The following NPAS3 variants were observed in gnomAD, a reference collection of about 807,000 sequenced individuals.
NPAS3 encodes neuronal PAS domain protein 3.
Under a neutral mutation model 73.1 loss-of-function variants are expected in NPAS3, and 14 were observed. The ratio of observed to expected loss-of-function variants is 0.19; its 90% confidence interval spans 0.13 to 0.30. The LOEUF (loss-of-function observed/expected upper bound fraction) is 0.30, where lower values mean the gene tolerates loss of function less well. NPAS3 is among the 10% of genes least tolerant of loss of function. NPAS3 has a pLI of 1.00. For missense variants in NPAS3, 1,096 were observed against 1,250.0 expected (o/e 0.88, Z 1.86); for synonymous variants, 620 against 541.5 (o/e 1.14, Z -2.01).
intron 5 of NPAS3, among the ~76,000 whole-genome samples, chr14:33,634,077 G>T (rs2058450887): frequency 6.6e-6 from 1 of 152,190 alleles, no homozygotes; most frequent in Non-Finnish European, 1.5e-5. Flanking sequence ...AGAACTTTAA[G>T]GGGATGTAAC....
intron 3 of NPAS3, among the ~76,000 whole-genome samples, chr14:33,280,516 G>T (rs1270397284): frequency 6.6e-6 from 1 of 152,142 alleles, no homozygotes; most frequent in Non-Finnish European, 1.5e-5. Flanking sequence ...GGAAAAGTCA[G>T]TGAAGTTCAC....
At chr14:33,243,078 G>A (rs10140381) in intron 3 of NPAS3, among the ~76,000 whole-genome samples, 35,183 of 151,886 alleles carry the variant, frequency 0.23, 4,424 homozygotes, top group Non-Finnish European at 0.28. Context: ...CTCCATATGC[G>A]TGCAAGTTAC....
chr14:33,425,598 A>T (rs935207579), intron 4 of NPAS3, among the ~76,000 whole-genome samples: 4 of 150,118 alleles, frequency 2.7e-5, no homozygotes, highest in African/African-American at 9.9e-5. Flanking sequence ...TGTAATAGAC[A>T]CTAGCAAGCT....
At chr14:33,476,995 A>G (rs2051065072) in intron 4 of NPAS3, among the ~76,000 whole-genome samples, 1 of 151,440 alleles carries the variant, frequency 6.6e-6, no homozygotes, top group Non-Finnish European at 1.5e-5. Context: ...TTTTATTTAA[A>G]TAATTCATCT....
At chr14:33,258,684 T>C (rs1450969294) in intron 3 of NPAS3, among the ~76,000 whole-genome samples, 2 of 152,230 alleles carry the variant, frequency 1.3e-5, no homozygotes, top group East Asian at 1.9e-4. Context: ...GTTGACTTCA[T>C]CTTATGACAT....
In NPAS3 at chr14:33,068,035, A is replaced by G. The variant is rs75790647; in HGVS notation, c.140+12041A>G. On this transcript the variant is annotated intron_variant, in intron 2 of 11. Coordinates refer to ENST00000356141, the Ensembl canonical transcript of NPAS3. ...TTGCAGTCTCCTAACTAGTGTTCTT[A>G]TCTCCTATCTTACTCAGTTTGGTTC... 3.0e-4 allele frequency among the ~76,000 whole-genome samples: 45 copies of G among 152,290 alleles called. No individual in the cohort carries two copies. In the East Asian group the frequency reaches 8.5e-3, roughly 29 times the overall value.
chr14:33,645,573 C>G (rs12588898), intron 5 of NPAS3, among the ~76,000 whole-genome samples: 23,167 of 152,094 alleles, frequency 0.15, 2,064 homozygotes, highest in East Asian at 0.35. Flanking sequence ...TCTAGGAAAA[C>G]GATTCACTGA....
chr14:33,108,549 G>A (rs1378427606), intron 2 of NPAS3, among the ~76,000 whole-genome samples: 1 of 152,160 alleles, frequency 6.6e-6, no homozygotes, highest in East Asian at 1.9e-4. Context: ...TGAAATAGAT[G>A]CTGTGAGTTT....
At chr14:33,768,200 G>C (rs999244253) in intron 7 of NPAS3, among the ~76,000 whole-genome samples, 2 of 152,222 alleles carry the variant, frequency 1.3e-5, no homozygotes, top group African/African-American at 4.8e-5. Flanking sequence ...GGGCAGTGCT[G>C]TGTAAGGAGT....
At chr14:33,155,720 C>G (rs1210202697) in intron 2 of NPAS3, among the ~76,000 whole-genome samples, 1 of 152,122 alleles carries the variant, frequency 6.6e-6, no homozygotes, top group African/African-American at 2.4e-5. Context: ...GGAGTGTGGT[C>G]TGCAGGTGTG....
At chr14:33,233,364 C>G (rs1406364308) in intron 3 of NPAS3, among the ~76,000 whole-genome samples, 3 of 152,076 alleles carry the variant, frequency 2.0e-5, no homozygotes. Flanking sequence ...ACTGGAAGTA[C>G]TTTTAACTAT....
chr14:33,208,401 ATTTAATTAT>A (rs1372076638), intron 2 of NPAS3, among the ~76,000 whole-genome samples: 1 of 152,204 alleles, frequency 6.6e-6, no homozygotes, highest in East Asian at 1.9e-4. Flanking sequence ...AAACCAATTA[ATTTAATTAT>A]TAAGTTCAAA....
At chr14:33,533,834 A>G (rs1176146895) in intron 4 of NPAS3, among the ~76,000 whole-genome samples, 3 of 152,142 alleles carry the variant, frequency 2.0e-5, no homozygotes, top group Non-Finnish European at 4.4e-5. Context: ...GTTACACATC[A>G]TATATACATA....
chr14:33,112,973 T>C (rs995367586), intron 2 of NPAS3, among the ~76,000 whole-genome samples: 2 of 152,174 alleles, frequency 1.3e-5, no homozygotes, highest in Non-Finnish European at 2.9e-5. Context: ...GATCAGATAG[T>C]TGTAGATATG....
intron 2 of NPAS3, among the ~76,000 whole-genome samples, chr14:33,179,050 A>T (rs75349128): frequency 0.037 from 5,546 of 151,634 alleles, 300 homozygotes; most frequent in African/African-American, 0.12. Context: ...TACCTTTTTT[A>T]AAAAAAAATC....
At chr14:33,090,219 T>A (rs1164248258) in intron 2 of NPAS3, among the ~76,000 whole-genome samples, 5 of 152,168 alleles carry the variant, frequency 3.3e-5, no homozygotes, top group Admixed American at 3.3e-4. Flanking sequence ...GGATTAAAAG[T>A]CAAGGCCCAT....
chr14:33,145,133 C>T (rs1025742852), intron 2 of NPAS3, among the ~76,000 whole-genome samples: 2 of 152,144 alleles, frequency 1.3e-5, no homozygotes, highest in African/African-American at 4.8e-5. Context: ...CTGGTTTATT[C>T]TACAGAGAGG....
rs370062968 is a variant in NPAS3 at position 33,675,196 on chromosome 14, T to A, written c.559-1015T>A. On this transcript the variant is annotated intron_variant, in intron 5 of 11. Coordinates refer to ENST00000356141, the Ensembl canonical transcript of NPAS3. Reference sequence around the variant, plus strand: ...CCTGGGAAAGAGCTTTTGCTTGTCCTATTGCTGACATATCTCTCCCTGTTG... The same window carrying A: ...CCTGGGAAAGAGCTTTTGCTTGTCCAATTGCTGACATATCTCTCCCTGTTG... 5.9e-5 allele frequency among the ~76,000 whole-genome samples: 9 copies of A among 152,292 alleles called. No homozygotes were observed. The East Asian group carries it at 1.5e-3, about 26-fold the overall frequency.
chr14:33,697,286 A>C (rs953783665), intron 6 of NPAS3, among the ~76,000 whole-genome samples: 1 of 152,164 alleles, frequency 6.6e-6, no homozygotes, highest in Non-Finnish European at 1.5e-5. Context: ...TCAAGGCTGA[A>C]TTTGCCCCCA....
Sources: gnomAD v4.1 joint callset for allele counts (sites outside exome capture counted in the v4.1 genomes callset) on GRCh38, gnomAD v4.1.1 for gene constraint, MANE v1.5 for transcripts, NCBI Gene and HGNC (gene_info 2026-07-23, HGNC 2026-07-21) for gene names.